Variants in LRRC7 observed in about 807,000 individuals in gnomAD.
The protein encoded by LRRC7 is leucine rich repeat containing 7.
Under a neutral mutation model 175.7 loss-of-function variants are expected in LRRC7, and 23 were observed. The observed-to-expected ratio is 0.13, with a 90% CI of 0.09 to 0.19. The LOEUF (loss-of-function observed/expected upper bound fraction) is 0.19, where lower values mean the gene tolerates loss of function less well. LRRC7 is among the 10% of genes least tolerant of loss of function. The pLI is 1.00. For missense variants in LRRC7, 1,354 were observed against 1,904.7 expected (o/e 0.71, Z 5.38); for synonymous variants, 685 against 680.9 (o/e 1.01, Z -0.09).
At position 69,760,252 on chromosome 1, in the gene LRRC7, T is replaced by C; in HGVS notation, c.162T>C (p.Cys54=). The change falls in exon 3 of 27, where the codon TGT becomes TGC. Residue 54 remains cysteine, a synonymous_variant. Coordinates refer to ENST00000651989, the MANE Select transcript of LRRC7 (RefSeq NM_001370785.2). The stretch of plus-strand genomic sequence containing the variant: ...TCGGCCGTCTGGTGCCATGCCGATG[T>C]TTCCGAGGTGAAGAAGAAATCATCT... ...KIIGRLVPCR[C]FRGEEEIISV... is the part of the protein sequence containing the mutation. 6.2e-7 allele frequency: 1 copy of C among 1,612,804 alleles called. No homozygotes were observed. The highest frequency in any genetic ancestry group is 1.1e-5 in the South Asian group (1 of 91,056).
At chr1:69,669,865 T>C (rs1333693933) in intron 1 of LRRC7, among the ~76,000 whole-genome samples, 1 of 152,186 alleles carries the variant, frequency 6.6e-6, no homozygotes, top group Admixed American at 6.5e-5. Context: ...CTCTGATGCA[T>C]TGATGCATTC....
At chr1:69,754,341 T>G (rs1041826508) in intron 2 of LRRC7, among the ~76,000 whole-genome samples, 1 of 152,002 alleles carries the variant, frequency 6.6e-6, no homozygotes, top group African/African-American at 2.4e-5. Flanking sequence ...GCAGTTGCGA[T>G]GAAGAAAAAC....
intron 3 of LRRC7, among the ~76,000 whole-genome samples, chr1:69,790,352 T>A (rs1674965952): frequency 6.6e-6 from 1 of 152,026 alleles, no homozygotes; most frequent in African/African-American, 2.4e-5. Context: ...TTCAGAAGTT[T>A]CTGTGTCTTT....
intron 1 of LRRC7, among the ~76,000 whole-genome samples, chr1:69,630,050 C>T (rs892008867): frequency 6.6e-6 from 1 of 151,974 alleles, no homozygotes; most frequent in Non-Finnish European, 1.5e-5. Context: ...GTCCTGCTTC[C>T]TATAATGGTG....
At chr1:69,613,844 A>G (rs1649190549) in intron 1 of LRRC7, among the ~76,000 whole-genome samples, 1 of 152,076 alleles carries the variant, frequency 6.6e-6, no homozygotes, top group Non-Finnish European at 1.5e-5. Flanking sequence ...TATTCTGGAA[A>G]TATGTCTTTG....
rs181117672 is a variant in LRRC7, at chr1:69,779,794, G to A, written c.304-12249G>A. Among the ~76,000 whole-genome samples the A allele has an allele frequency of 5.3e-5, 8 of 152,284 alleles. No individual in the cohort carries two copies. The East Asian group carries it at 1.3e-3, about 26-fold the overall frequency. ...AGAGCTCTTCTCTGCAGCACATTCA[G>A]CATTGTTAAAATGTACTAGAAAGGA... On this transcript the variant is annotated intron_variant, in intron 3 of 26. Coordinates refer to ENST00000651989, the MANE Select transcript of LRRC7 (RefSeq NM_001370785.2).
intron 15 of LRRC7, among the ~76,000 whole-genome samples, chr1:70,019,511 C>A (rs1052342651): frequency 5.3e-5 from 8 of 151,952 alleles, no homozygotes; most frequent in African/African-American, 1.7e-4. Flanking sequence ...AACAATAATT[C>A]TTGGAAGAGT....
chr1:69,939,005 ATATATATATCTATATATATATATATC>A (rs1386939720), intron 8 of LRRC7, among the ~76,000 whole-genome samples: 3 of 97,914 alleles, frequency 3.1e-5, no homozygotes, highest in Admixed American at 1.1e-4. Flanking sequence ...TTATATATAT[ATATATATATCTATATATATATATATC>A]TATATATATC....
At chr1:69,768,483 C>G (rs985827136) in intron 3 of LRRC7, among the ~76,000 whole-genome samples, 4 of 152,136 alleles carry the variant, frequency 2.6e-5, no homozygotes, top group African/African-American at 9.7e-5. Flanking sequence ...AAATTTTAAG[C>G]CTCATTGTGT....
At chr1:69,726,484 G>A (rs1044410177) in intron 2 of LRRC7, among the ~76,000 whole-genome samples, 2 of 152,144 alleles carry the variant, frequency 1.3e-5, no homozygotes, top group African/African-American at 2.4e-5. Flanking sequence ...ATGGATTGAG[G>A]GAGATTATGG....
chr1:69,910,695 G>C (rs954749052), intron 7 of LRRC7, among the ~76,000 whole-genome samples: 1 of 152,220 alleles, frequency 6.6e-6, no homozygotes. Context: ...ATCTCCAGCT[G>C]CATGCTGGGA....
At chr1:70,052,494 T>C (rs777753720) in intron 22 of LRRC7, among the ~76,000 whole-genome samples, 1 of 152,122 alleles carries the variant, frequency 6.6e-6, no homozygotes, top group Admixed American at 6.6e-5. Flanking sequence ...TATTTGTTGA[T>C]AACGCCATAG....
intron 1 of LRRC7, among the ~76,000 whole-genome samples, chr1:69,661,087 G>T (rs1657397275): frequency 6.6e-6 from 1 of 152,018 alleles, no homozygotes; most frequent in Non-Finnish European, 1.5e-5. Context: ...TGAAATGCCA[G>T]GTTCAGAGTT....
rs186673473 is a variant in LRRC7 at position 69,636,362 on chromosome 1, A to G, written c.3-42019A>G. Among the ~76,000 whole-genome samples the G allele has an allele frequency of 1.7e-3, 265 of 152,066 alleles. 1 individual carries two copies. The highest frequency in any genetic ancestry group is 6.1e-3 in the African/African-American group (253 of 41,530). On this transcript the variant is annotated intron_variant, in intron 1 of 26. Transcript: ENST00000651989. ...ATTTTAGAATATATTCTCCTCACCA[A>G]TAAATTCAAAAAATGAGTTCTACTA...
chr1:70,039,887 T>C lies in LRRC7; in HGVS notation c.3969+94T>C, dbSNP rs1488234995. 5 of 1,399,264 alleles carry C rather than the reference T, an allele frequency of 3.6e-6. No homozygotes were observed. In the East Asian group the frequency reaches 1.2e-4, roughly 32 times the overall value. 86.7% of individuals were successfully genotyped at this position (1,399,264 alleles called of 1,614,324 possible). A position where few individuals can be genotyped will look rare whatever the true frequency, so the allele number is the denominator to read the frequency against. On this transcript the variant is annotated intron_variant, in intron 21 of 26. Transcript: ENST00000651989. ...CACATGTAGTGAAGCATGAACTACA[T>C]GAATGAATTAGATGATCAGTATTTT...
At chr1:70,041,964 G>C (rs1279780000) in intron 21 of LRRC7, among the ~76,000 whole-genome samples, 1 of 152,210 alleles carries the variant, frequency 6.6e-6, no homozygotes, top group Non-Finnish European at 1.5e-5. Flanking sequence ...TCATTGCTAT[G>C]ATGACACTTC....
At chr1:70,064,187 T>A (rs1661792452) in intron 23 of LRRC7, among the ~76,000 whole-genome samples, 1 of 152,038 alleles carries the variant, frequency 6.6e-6, no homozygotes, top group Admixed American at 6.6e-5. Flanking sequence ...CAGAGCTTCC[T>A]TCCATATATT....
chr1:69,976,979 G>T (rs1304136588), intron 8 of LRRC7, among the ~76,000 whole-genome samples: 1 of 152,030 alleles, frequency 6.6e-6, no homozygotes, highest in Non-Finnish European at 1.5e-5. Flanking sequence ...CTCCACCTAT[G>T]TCCTCCAGGA....
At chr1:70,007,033 T>C (rs1656053793) in intron 11 of LRRC7, among the ~76,000 whole-genome samples, 4 of 152,148 alleles carry the variant, frequency 2.6e-5, no homozygotes, top group Non-Finnish European at 5.9e-5. Context: ...TGGGTTTTTG[T>C]GGAGTCTTCA....
Sources: gnomAD v4.1 joint callset for allele counts (sites outside exome capture counted in the v4.1 genomes callset) on GRCh38, gnomAD v4.1.1 for gene constraint, MANE v1.5 for transcripts, NCBI Gene and HGNC (gene_info 2026-07-23, HGNC 2026-07-21) for gene names.